NAALADL2: variants seen among roughly 807,000 people sequenced by gnomAD.
NAALADL2 encodes N-acetylated alpha-linked acidic dipeptidase like 2, also known as inactive N-acetylated-alpha-linked acidic dipeptidase-like protein 2.
A neutral mutation model predicts 87.2 loss-of-function variants in NAALADL2; 76 were observed. The observed-to-expected ratio is 0.87, with a 90% CI of 0.72 to 1.05. The LOEUF (loss-of-function observed/expected upper bound fraction) is 1.05. NAALADL2 is among the 50% of genes least tolerant of loss of function. The probability of loss-of-function intolerance (pLI) is 0.00; values close to 1 mark genes in which losing one functional copy is unlikely to be tolerated. For missense variants in NAALADL2, 1,089 were observed against 945.8 expected (o/e 1.15, Z -1.99); for synonymous variants, 354 against 331.0 (o/e 1.07, Z -0.75).
At chr3:175,551,446 C>G (rs1428152330) in intron 9 of NAALADL2, among the ~76,000 whole-genome samples, 2 of 152,132 alleles carry the variant, frequency 1.3e-5, no homozygotes, top group Non-Finnish European at 2.9e-5. Context: ...TGTTGACTGA[C>G]AAGATTGGTT....
At chr3:175,103,407 A>T (rs1722566001) in intron 2 of NAALADL2, among the ~76,000 whole-genome samples, 1 of 152,110 alleles carries the variant, frequency 6.6e-6, no homozygotes, top group South Asian at 2.1e-4. Context: ...ATTCTGTAGT[A>T]CTAATTAAAC....
chr3:174,737,281 G>C (rs144078477), intron 2 of NAALADL2, among the ~76,000 whole-genome samples: 60 of 152,330 alleles, frequency 3.9e-4, no homozygotes, highest in African/African-American at 1.4e-3. Flanking sequence ...GATTACAGGT[G>C]TGAGCCACTG....
intron 2 of NAALADL2, among the ~76,000 whole-genome samples, chr3:175,170,338 T>C (rs904173847): frequency 4.0e-5 from 6 of 150,630 alleles, no homozygotes. Context: ...TAGACATATA[T>C]GAATTTCTTC....
chr3:175,594,255 T>C (rs1441029960), intron 10 of NAALADL2, among the ~76,000 whole-genome samples: 2 of 152,120 alleles, frequency 1.3e-5, no homozygotes, highest in African/African-American at 4.8e-5. Flanking sequence ...CAGTCTTTGG[T>C]TTTCTGTTCC....
chr3:175,805,441 G>A lies in NAALADL2; in HGVS notation c.*2238G>A, dbSNP rs1302297322. 6.6e-6 allele frequency: 1 copy of A among 151,754 alleles called. No individual in the cohort carries two copies. The highest frequency in any genetic ancestry group is 1.5e-5 in the Non-Finnish European group (1 of 67,854). 9.4% of individuals were successfully genotyped at this position (151,754 alleles called of 1,614,324 possible). A position where few individuals can be genotyped will look rare whatever the true frequency, so the allele number is the denominator to read the frequency against. On this transcript the variant is annotated 3_prime_UTR_variant, in exon 14 of 14. Transcript: ENST00000454872. ...TTTATTAGTCTATTAAAAGATACGT[G>A]GAGATATTAAATTATACCTAAAGCA...
chr3:175,544,444 A>G (rs1208809951), intron 9 of NAALADL2, among the ~76,000 whole-genome samples: 2 of 152,166 alleles, frequency 1.3e-5, no homozygotes, highest in Non-Finnish European at 2.9e-5. Flanking sequence ...GTTAAGATAT[A>G]TGGATGCAGG....
At chr3:174,888,313 A>G (rs922700989) in intron 1 of NAALADL2, among the ~76,000 whole-genome samples, 1 of 152,200 alleles carries the variant, frequency 6.6e-6, no homozygotes, top group Non-Finnish European at 1.5e-5. Flanking sequence ...TATAAAGAGA[A>G]GTAATTAGGC....
intron 4 of NAALADL2, among the ~76,000 whole-genome samples, chr3:175,275,423 C>T (rs1185903676): frequency 6.6e-6 from 1 of 151,824 alleles, no homozygotes; most frequent in Non-Finnish European, 1.5e-5. Flanking sequence ...AAACTAAAAT[C>T]TCACATGGCC....
At chr3:174,716,905 A>G (rs1037108142) in intron 2 of NAALADL2, among the ~76,000 whole-genome samples, 2 of 152,178 alleles carry the variant, frequency 1.3e-5, no homozygotes, top group Non-Finnish European at 2.9e-5. Context: ...TGTGGAAGAA[A>G]AAATACTGGT....
At chr3:174,845,604 C>A (rs1185548001) in intron 3 of NAALADL2, among the ~76,000 whole-genome samples, 2 of 152,192 alleles carry the variant, frequency 1.3e-5, no homozygotes, top group African/African-American at 4.8e-5. Flanking sequence ...CAGCCCAGGG[C>A]TGGGTGTGTT....
chr3:174,674,015 G>A (rs1423878332), intron 2 of NAALADL2, among the ~76,000 whole-genome samples: 2 of 151,978 alleles, frequency 1.3e-5, no homozygotes, highest in African/African-American at 4.8e-5. Flanking sequence ...GACAGTTTAG[G>A]AAGAGAAGAG....
chr3:175,256,486 C>T lies in NAALADL2; in HGVS notation c.895C>T (p.Gln299Ter). 6.2e-7 allele frequency: 1 copy of T among 1,612,804 alleles called. No individual in the cohort carries two copies. Among genetic ancestry groups the T allele is most frequent in the Non-Finnish European group, 8.5e-7 (1 of 1,179,308 alleles). The change falls in exon 4 of 14, where the codon CAG becomes TAG. Residue 299 changes from glutamine (Q) to a stop codon, truncating the protein, a stop_gained. Coordinates refer to ENST00000454872, the MANE Select transcript of NAALADL2 (RefSeq NM_207015.3). LOFTEE classifies it high-confidence loss of function. ...RIRKIKNVTN[Q>*]IALLKLGKLP... Reference sequence around the variant, plus strand: ...TAGGAAAATAAAAAACGTAACAAATCAGATCGCACTCCTGAAATTAGGAAA... The same window carrying T: ...TAGGAAAATAAAAAACGTAACAAATTAGATCGCACTCCTGAAATTAGGAAA...
At chr3:174,981,788 CT>C in intron 1 of NAALADL2, among the ~76,000 whole-genome samples, 1 of 152,168 alleles carries the variant, frequency 6.6e-6, no homozygotes, top group African/African-American at 2.4e-5. Flanking sequence ...CAGTACTCAC[CT>C]ACCTTTTGTT....
intron 1 of NAALADL2, among the ~76,000 whole-genome samples, chr3:174,445,880 G>A (rs1715019710): frequency 1.3e-5 from 2 of 152,046 alleles, no homozygotes; most frequent in African/African-American, 4.8e-5. Context: ...GACCTGCATT[G>A]TGCCTAATTT....
intron 12 of NAALADL2, among the ~76,000 whole-genome samples, chr3:175,737,943 C>T (rs978767027): frequency 6.6e-6 from 1 of 151,946 alleles, no homozygotes; most frequent in Admixed American, 6.6e-5. Flanking sequence ...ATATCTCTCT[C>T]AGCAGAATTC....
chr3:175,166,045 T>G (rs953840272), intron 2 of NAALADL2, among the ~76,000 whole-genome samples: 2 of 151,940 alleles, frequency 1.3e-5, no homozygotes, highest in Admixed American at 1.3e-4. Context: ...CCATATTTTT[T>G]TTTTTTTTTA....
chr3:174,799,511 C>T (rs920534163), intron 3 of NAALADL2, among the ~76,000 whole-genome samples: 3 of 152,178 alleles, frequency 2.0e-5, no homozygotes, highest in Non-Finnish European at 4.4e-5. Context: ...ATGTGACTTG[C>T]TCCTCCTTGC....
chr3:174,500,422 T>C (rs1718810249), intron 1 of NAALADL2, among the ~76,000 whole-genome samples: 1 of 152,122 alleles, frequency 6.6e-6, no homozygotes, highest in African/African-American at 2.4e-5. Flanking sequence ...CTTTTATTTT[T>C]TTCCCCCTCC....
chr3:174,883,268 G>A (rs1429700802), intron 1 of NAALADL2, among the ~76,000 whole-genome samples: 1 of 152,058 alleles, frequency 6.6e-6, no homozygotes, highest in East Asian at 1.9e-4. Context: ...CACACCAGGA[G>A]CAATGCTTTG....
Sources: allele counts gnomAD v4.1 joint callset (sites outside exome capture counted in the v4.1 genomes callset), GRCh38; gene constraint gnomAD v4.1.1; transcripts MANE v1.5; gene names NCBI Gene and HGNC (gene_info 2026-07-23, HGNC 2026-07-21).